The following USP34 variants were observed in gnomAD, a reference collection of about 807,000 sequenced individuals.
USP34 encodes ubiquitin carboxyl-terminal hydrolase 34.
A neutral mutation model predicts 460.3 loss-of-function variants in USP34; 70 were observed. The observed-to-expected ratio is 0.15, with a 90% CI of 0.13 to 0.19. USP34 has a LOEUF of 0.19. USP34 is among the 10% of genes least tolerant of loss of function. The probability of loss-of-function intolerance (pLI) is 1.00; values close to 1 mark genes in which losing one functional copy is unlikely to be tolerated. For synonymous variants in USP34, 1,647 were observed against 1,405.3 expected, an observed-to-expected ratio of 1.17 and a Z score of -3.85; for missense variants, 3,985 against 4,236.2, an observed-to-expected ratio of 0.94 and a Z score of 1.65.
At chr2:61,290,493 A>T (rs764869277) in intron 33 of USP34, among the ~76,000 whole-genome samples, 3 of 152,192 alleles carry the variant, frequency 2.0e-5, no homozygotes, top group Non-Finnish European at 2.9e-5. Flanking sequence ...CGAATATATT[A>T]CTCAGCGATG....
chr2:61,219,450 C>A (rs1023104234), intron 67 of USP34, among the ~76,000 whole-genome samples: 17 of 152,236 alleles, frequency 1.1e-4, no homozygotes, highest in African/African-American at 3.9e-4. Flanking sequence ...GTGGGCGGAT[C>A]ACTTGAGGTC....
At chr2:61,347,644 G>A (rs1484956360) in intron 15 of USP34, among the ~76,000 whole-genome samples, 2 of 152,162 alleles carry the variant, frequency 1.3e-5, no homozygotes, top group Non-Finnish European at 2.9e-5. Flanking sequence ...AAAGTGCTGG[G>A]ATTATAGGTG....
intron 1 of USP34, among the ~76,000 whole-genome samples, chr2:61,456,939 C>A (rs908357792): frequency 2.0e-5 from 3 of 151,958 alleles, no homozygotes; most frequent in Non-Finnish European, 2.9e-5. Context: ...CATGACTGAG[C>A]CACTGTACTC....
At chr2:61,377,269 C>A (rs1206619942) in intron 8 of USP34, among the ~76,000 whole-genome samples, 1 of 152,132 alleles carries the variant, frequency 6.6e-6, no homozygotes, top group Non-Finnish European at 1.5e-5. Context: ...GTAGTAACAT[C>A]AAGTTACACT....
At chr2:61,398,808 A>C (rs1693622327) in intron 3 of USP34, among the ~76,000 whole-genome samples, 1 of 152,200 alleles carries the variant, frequency 6.6e-6, no homozygotes, top group African/African-American at 2.4e-5. Context: ...GAACATTTCA[A>C]AATAAACAAA....
intron 5 of USP34, among the ~76,000 whole-genome samples, chr2:61,388,483 A>C (rs987950429): frequency 3.3e-5 from 5 of 149,412 alleles, no homozygotes; most frequent in African/African-American, 1.2e-4. Flanking sequence ...AAGATTGGGC[A>C]TGGTGGCTCA....
intron 18 of USP34, 59 bp from the exon 19 acceptor site, chr2:61,334,030 C>T: frequency 1.5e-6 from 2 of 1,299,254 alleles, no homozygotes; most frequent in Admixed American, 4.9e-5. Flanking sequence ...AGAAATTCAG[C>T]CATTTAAAAT....
chr2:61,203,331 G>T, intron 74 of USP34, 68 bp from the exon 75 acceptor site: 1 of 1,339,972 alleles, frequency 7.5e-7, no homozygotes, highest in Non-Finnish European at 9.6e-7. Context: ...TTGTGCAAAT[G>T]TAATAAGTTT....
intron 29 of USP34, among the ~76,000 whole-genome samples, chr2:61,298,364 C>CAAAAAAAAAAAAAA (rs11417017): frequency 2.1e-5 from 1 of 48,038 alleles, no homozygotes; most frequent in Non-Finnish European, 3.6e-5. Context: ...TACAAAAATA[C>CAAAAAAAAAAAAAA]AAAAAAAAAA....
chr2:61,263,675 G>A (rs1480117309), intron 43 of USP34, among the ~76,000 whole-genome samples: 1 of 151,258 alleles, frequency 6.6e-6, no homozygotes, highest in South Asian at 2.1e-4. Flanking sequence ...GTAGAGATGG[G>A]GTTTCACCAT....
In USP34 at chr2:61,458,422, G is replaced by A. The variant is rs993493548; in HGVS notation, c.43+12228C>T. On this transcript the variant is annotated intron_variant, in intron 1 of 79. Transcript: ENST00000398571. ...CTAAAAATACAAAAATTAGCCGGGC[G>A]TGGTGGCGGGTGCCTGTAATCCCAG... is the stretch of plus-strand genomic sequence containing the variant. 5.3e-5 allele frequency among the ~76,000 whole-genome samples: 8 copies of A among 151,586 alleles called. 1 individual carries two copies. In the East Asian group the frequency reaches 5.9e-4, roughly 11 times the overall value.
chr2:61,394,626 TAG>T (rs1438456616), intron 5 of USP34, among the ~76,000 whole-genome samples: 12 of 151,450 alleles, frequency 7.9e-5, no homozygotes, highest in African/African-American at 2.7e-4. Context: ...TAGATAATTA[TAG>T]ATAGTCATGA....
At chr2:61,266,506 T>C (rs566274892) in intron 41 of USP34, among the ~76,000 whole-genome samples, 3 of 152,220 alleles carry the variant, frequency 2.0e-5, no homozygotes, top group African/African-American at 7.2e-5. Context: ...CTGCATTAAC[T>C]TTCCCCTTAC....
chr2:61,203,085 T>A, intron 75 of USP34, 55 bp downstream of exon 75: 1 of 1,387,812 alleles, frequency 7.2e-7, no homozygotes, highest in Non-Finnish European at 9.4e-7. Flanking sequence ...CCTTCCTGAA[T>A]GACTAGGGGC....
At chr2:61,352,877 A>C (rs1304225319) in intron 10 of USP34, among the ~76,000 whole-genome samples, 1 of 152,226 alleles carries the variant, frequency 6.6e-6, no homozygotes, top group Non-Finnish European at 1.5e-5. Flanking sequence ...ATGAAGACGA[A>C]AAAGAAAAGG....
At chr2:61,460,980 C>CA (rs1168262727) in intron 1 of USP34, among the ~76,000 whole-genome samples, 1,611 of 80,948 alleles carry the variant, frequency 0.02, 23 homozygotes, top group African/African-American at 0.062. Context: ...GACTCCATCT[C>CA]AAAAAAAAAA....
In USP34 at chr2:61,426,956, G is replaced by A. The variant is rs1022215717; in HGVS notation, c.44-6123C>T. Among the ~76,000 whole-genome samples, 17 of 152,324 alleles carry A rather than the reference G, an allele frequency of 1.1e-4. No homozygotes were observed. The East Asian group carries it at 3.3e-3, about 29-fold the overall frequency. ...AGATCTTGTCCAAATCCATCAAGGT[G>A]GTACCTGTATGAGTCTGCAAGAACC... On this transcript the variant is annotated intron_variant, in intron 1 of 79. Coordinates refer to ENST00000398571, the MANE Select transcript of USP34 (RefSeq NM_014709.4).
chr2:61,467,233 G>A (rs188683046), intron 1 of USP34, among the ~76,000 whole-genome samples: 187 of 151,878 alleles, frequency 1.2e-3, no homozygotes, highest in Non-Finnish European at 1.3e-3. Context: ...ACCCAGGGAG[G>A]CAGAGGTTGT....
chr2:61,319,069 T>C, intron 22 of USP34, 104 bp downstream of exon 22: 1 of 1,185,348 alleles, frequency 8.4e-7, no homozygotes, highest in South Asian at 1.8e-5. Context: ...ATTTGGCTAC[T>C]TAAAAAAACT....
Sources: allele counts gnomAD v4.1 joint callset (sites outside exome capture counted in the v4.1 genomes callset), GRCh38; gene constraint gnomAD v4.1.1; transcripts MANE v1.5; gene names NCBI Gene and HGNC (gene_info 2026-07-23, HGNC 2026-07-21).